MARCHF1: variants seen among roughly 807,000 people sequenced by gnomAD.
MARCHF1 encodes the protein E3 ubiquitin-protein ligase MARCHF1.
MARCHF1 carries 40 observed loss-of-function variants against 54.2 expected under a neutral mutation model. The observed-to-expected ratio is 0.74, with a 90% CI of 0.57 to 0.96. The LOEUF (loss-of-function observed/expected upper bound fraction) is 0.96. MARCHF1 is among the 40% of genes least tolerant of loss of function. MARCHF1 has a pLI of 0.00. For missense variants in MARCHF1, 586 were observed against 656.5 expected (o/e 0.89, Z 1.17); for synonymous variants, 236 against 236.3 (o/e 1.00, Z 0.01).
intron 1 of MARCHF1, among the ~76,000 whole-genome samples, chr4:164,237,003 G>A (rs140732362): frequency 9.1e-4 from 139 of 152,162 alleles, no homozygotes; most frequent in African/African-American, 2.6e-3. Context: ...TCTACTCCAC[G>A]TTTATATCTA....
chr4:164,067,919 C>G (rs1754763120), intron 2 of MARCHF1, among the ~76,000 whole-genome samples: 1 of 88,300 alleles, frequency 1.1e-5, no homozygotes, highest in South Asian at 4.1e-4. Context: ...ACCATATGAA[C>G]AGACACTTCT....
intron 7 of MARCHF1, among the ~76,000 whole-genome samples, chr4:163,597,468 T>C (rs940250014): frequency 6.6e-6 from 1 of 152,196 alleles, no homozygotes; most frequent in African/African-American, 2.4e-5. Flanking sequence ...CATTGAGAGA[T>C]ATAACTCAAA....
intron 2 of MARCHF1, among the ~76,000 whole-genome samples, chr4:164,067,627 G>T (rs79774989): frequency 0.013 from 1,913 of 152,162 alleles, 28 homozygotes; most frequent in African/African-American, 0.04. Flanking sequence ...CTATAAAAAT[G>T]TTAGAAGAAA....
chr4:163,703,470 C>A (rs1383265683), intron 4 of MARCHF1, among the ~76,000 whole-genome samples: 2 of 152,088 alleles, frequency 1.3e-5, no homozygotes, highest in Non-Finnish European at 2.9e-5. Context: ...ATTGCAATGT[C>A]ATACTCTTCT....
chr4:164,146,355 G>A (rs955354761), intron 1 of MARCHF1, among the ~76,000 whole-genome samples: 142 of 150,854 alleles, frequency 9.4e-4, no homozygotes, highest in Admixed American at 2.0e-3. Context: ...AAAAGAGCCT[G>A]CATCGCCAAG....
chr4:163,734,915 T>G (rs1458979540), intron 4 of MARCHF1, among the ~76,000 whole-genome samples: 1 of 152,164 alleles, frequency 6.6e-6, no homozygotes, highest in African/African-American at 2.4e-5. Flanking sequence ...TTTCCATTTG[T>G]TTTAGAAGAA....
chr4:163,961,497 A>T (rs1191337836), intron 3 of MARCHF1, among the ~76,000 whole-genome samples: 1 of 151,962 alleles, frequency 6.6e-6, no homozygotes, highest in Non-Finnish European at 1.5e-5. Flanking sequence ...GAAGCAAAAA[A>T]TAATAAAGAA....
At chr4:164,068,962 G>A (rs985972685) in intron 2 of MARCHF1, among the ~76,000 whole-genome samples, 1 of 152,032 alleles carries the variant, frequency 6.6e-6, no homozygotes, top group Admixed American at 6.5e-5. Flanking sequence ...TGCACCAATC[G>A]GCACTCTGTA....
chr4:163,951,324 T>C (rs1382960399), intron 3 of MARCHF1, among the ~76,000 whole-genome samples: 1 of 152,216 alleles, frequency 6.6e-6, no homozygotes, highest in Admixed American at 6.5e-5. Context: ...AGATTTGCTA[T>C]CTAGATGCAT....
At chr4:163,604,946 T>A (rs1187428860) in intron 7 of MARCHF1, among the ~76,000 whole-genome samples, 1 of 152,080 alleles carries the variant, frequency 6.6e-6, no homozygotes, top group East Asian at 1.9e-4. Flanking sequence ...ATTCACAGAT[T>A]TTTTTTATGC....
chr4:163,952,515 G>A (rs904165391), intron 3 of MARCHF1, among the ~76,000 whole-genome samples: 2 of 152,094 alleles, frequency 1.3e-5, no homozygotes, highest in East Asian at 1.9e-4. Context: ...TGTGGATTGC[G>A]TTTCTCAGCA....
chr4:163,758,421 A>G (rs1746739543), intron 4 of MARCHF1, among the ~76,000 whole-genome samples: 1 of 152,230 alleles, frequency 6.6e-6, no homozygotes, highest in African/African-American at 2.4e-5. Flanking sequence ...CACTATTGTC[A>G]GCTTTAAGAA....
chr4:163,805,079 T>G (rs187351811), intron 4 of MARCHF1, among the ~76,000 whole-genome samples: 14 of 152,238 alleles, frequency 9.2e-5, no homozygotes, highest in Admixed American at 9.2e-4. Flanking sequence ...TCTGTATATA[T>G]GATATATATA....
chr4:164,255,682 C>G (rs1411482582), intron 1 of MARCHF1, among the ~76,000 whole-genome samples: 4 of 151,844 alleles, frequency 2.6e-5, no homozygotes, highest in Non-Finnish European at 5.9e-5. Flanking sequence ...AGAAAGTTTT[C>G]AAATGGACAA....
At chr4:164,306,708 T>A (rs924623629) in intron 1 of MARCHF1, among the ~76,000 whole-genome samples, 1 of 152,162 alleles carries the variant, frequency 6.6e-6, no homozygotes, top group Non-Finnish European at 1.5e-5. Flanking sequence ...TCAGCGCACA[T>A]ACAGAAAGGT....
At chr4:163,657,762 C>G (rs776646128) in intron 5 of MARCHF1, among the ~76,000 whole-genome samples, 2 of 152,074 alleles carry the variant, frequency 1.3e-5, no homozygotes, top group Non-Finnish European at 2.9e-5. Flanking sequence ...GACTACACAT[C>G]TACAGCCATC....
chr4:164,102,415 C>G (rs1167608573), intron 2 of MARCHF1, among the ~76,000 whole-genome samples: 1 of 124,926 alleles, frequency 8.0e-6, no homozygotes, highest in Non-Finnish European at 1.7e-5. Flanking sequence ...CAGCGGATCT[C>G]TCGGCAGAAA....
intron 5 of MARCHF1, among the ~76,000 whole-genome samples, chr4:163,667,994 G>C (rs1378341702): frequency 6.6e-6 from 1 of 152,136 alleles, no homozygotes; most frequent in African/African-American, 2.4e-5. Context: ...AATTTGGAAA[G>C]ATCTGTGTTA....
intron 4 of MARCHF1, among the ~76,000 whole-genome samples, chr4:163,851,509 G>C (rs1258384892): frequency 6.6e-6 from 1 of 152,190 alleles, no homozygotes; most frequent in Non-Finnish European, 1.5e-5. Flanking sequence ...TTCATCGTTT[G>C]ATGAGGACAA....
Sources: gnomAD v4.1 joint callset for allele counts (sites outside exome capture counted in the v4.1 genomes callset) on GRCh38, gnomAD v4.1.1 for gene constraint, MANE v1.5 for transcripts, NCBI Gene and HGNC (gene_info 2026-07-23, HGNC 2026-07-21) for gene names.